USP3: variants seen among roughly 807,000 people sequenced by gnomAD.
USP3 encodes ubiquitin carboxyl-terminal hydrolase 3.
USP3 carries 20 observed loss-of-function variants against 72.3 expected under a neutral mutation model. That is an observed-to-expected ratio of 0.28 (90% confidence interval 0.19 to 0.40). The LOEUF is 0.40. Ranked by LOEUF, USP3 falls within the 10% of genes least tolerant of loss-of-function variation. The probability of loss-of-function intolerance (pLI) is 1.00; values close to 1 mark genes in which losing one functional copy is unlikely to be tolerated. For synonymous variants in USP3, 222 were observed against 225.3 expected, an observed-to-expected ratio of 0.99 and a Z score of 0.13; for missense variants, 479 against 633.9, an observed-to-expected ratio of 0.76 and a Z score of 2.62.
intron 11 of USP3, chr15:63,587,691 G>A (rs1469602925): frequency 1.3e-5 from 2 of 152,206 alleles, no homozygotes; most frequent in Non-Finnish European, 2.9e-5. Context: ...AGACAATAAT[G>A]TAAACAAGTG....
At chr15:63,587,275 G>A (rs1405110278) in intron 11 of USP3, among the ~76,000 whole-genome samples, 2 of 152,040 alleles carry the variant, frequency 1.3e-5, no homozygotes, top group Non-Finnish European at 2.9e-5. Context: ...AGAGACCCTG[G>A]CTCCTTGAGT....
chr15:63,546,291 T>A (rs1489442021), intron 3 of USP3, among the ~76,000 whole-genome samples: 1 of 152,176 alleles, frequency 6.6e-6, no homozygotes, highest in African/African-American at 2.4e-5. Context: ...CAGCTACATT[T>A]TGGGAAACAT....
intron 2 of USP3, among the ~76,000 whole-genome samples, chr15:63,533,507 T>A: frequency 6.6e-6 from 1 of 152,210 alleles, no homozygotes; most frequent in East Asian, 1.9e-4. Flanking sequence ...TCTTCTAGCT[T>A]AGAAAATCTA....
At chr15:63,522,596 A>C (rs2065934414) in intron 1 of USP3, among the ~76,000 whole-genome samples, 1 of 152,218 alleles carries the variant, frequency 6.6e-6, no homozygotes, top group African/African-American at 2.4e-5. Flanking sequence ...GTTAAAACCT[A>C]CTTGTCCATA....
chr15:63,533,858 A>G, intron 2 of USP3: 1 of 1,240,726 alleles, frequency 8.1e-7, no homozygotes, highest in Non-Finnish European at 1.0e-6. Context: ...AAAAAGAAGA[A>G]AAGTAGAAGC....
rs1346848357 is a variant in USP3 at position 63,553,098 on chromosome 15, A to G, written c.285-617A>G. ...AATATAGCTTAAATATTTTTCTTCA[A>G]AGCACTTATCAGTTGCCTGAATGAT... On this transcript the variant is annotated intron_variant, in intron 3 of 14. Transcript: ENST00000380324. The surrounding 1 kb of genome is among the most constrained non-coding windows in gnomAD (Gnocchi z 4.2). 2.0e-5 allele frequency among the ~76,000 whole-genome samples: 3 copies of G among 152,218 alleles called. No homozygotes were observed. The highest frequency in any genetic ancestry group is 7.2e-5 in the African/African-American group (3 of 41,454).
intron 5 of USP3, 140 bp from the exon 6 acceptor site, chr15:63,557,966 T>A (rs2066540703): frequency 5.6e-6 from 4 of 720,110 alleles, no homozygotes; most frequent in Non-Finnish European, 9.5e-6. Flanking sequence ...AGAGTTTGTT[T>A]GAAATATTCA....
At chr15:63,521,331 G>A (rs548301819) in intron 1 of USP3, among the ~76,000 whole-genome samples, 16 of 152,250 alleles carry the variant, frequency 1.1e-4, no homozygotes, top group Non-Finnish European at 1.9e-4. Flanking sequence ...TAATGCAGCA[G>A]TTAATACCCT....
chr15:63,546,405 A>G (rs1460615267), intron 3 of USP3, among the ~76,000 whole-genome samples: 1 of 152,076 alleles, frequency 6.6e-6, no homozygotes, highest in African/African-American at 2.4e-5. Context: ...TTGAAACACA[A>G]CCTATGAGTT....
chr15:63,513,110 A>G (rs1296254758), intron 1 of USP3, among the ~76,000 whole-genome samples: 1 of 152,084 alleles, frequency 6.6e-6, no homozygotes, highest in Non-Finnish European at 1.5e-5. Flanking sequence ...CTTGAGTAGA[A>G]GTTTTCTCCT....
intron 8 of USP3, among the ~76,000 whole-genome samples, chr15:63,564,226 G>T (rs2066652465): frequency 6.6e-6 from 1 of 151,934 alleles, no homozygotes; most frequent in Non-Finnish European, 1.5e-5. Context: ...TTTTTATCTG[G>T]TCTTCATTAA....
At chr15:63,551,407 TAATTA>T (rs2066434620) in intron 3 of USP3, 1 of 151,680 alleles carries the variant, frequency 6.6e-6, no homozygotes, top group Admixed American at 6.5e-5. Context: ...AATTATAAAA[TAATTA>T]AAATAAGTAT....
At chr15:63,505,350 G>C (rs971588338) in intron 1 of USP3, among the ~76,000 whole-genome samples, 1 of 152,224 alleles carries the variant, frequency 6.6e-6, no homozygotes, top group Non-Finnish European at 1.5e-5. Context: ...CCCGGCCCGG[G>C]TTTCCTTTCC....
chr15:63,538,371 A>G (rs1302965819), intron 3 of USP3, among the ~76,000 whole-genome samples: 1 of 152,134 alleles, frequency 6.6e-6, no homozygotes, highest in Non-Finnish European at 1.5e-5. Flanking sequence ...TGAATGTTAC[A>G]TGAAGGCATT....
At chr15:63,525,493 A>G (rs2111689) in intron 1 of USP3, among the ~76,000 whole-genome samples, 114,453 of 152,010 alleles carry the variant, frequency 0.75, 44,677 homozygotes, top group Non-Finnish European at 0.81. Context: ...CTGCCCTCGG[A>G]CTGCCTGGGC....
intron 1 of USP3, among the ~76,000 whole-genome samples, chr15:63,526,586 G>A (rs1218033985): frequency 6.6e-6 from 1 of 152,156 alleles, no homozygotes; most frequent in East Asian, 1.9e-4. Flanking sequence ...GTAGGCGGGT[G>A]GTTCTTGAGT....
chr15:63,550,488 G>A (rs1195440720), intron 3 of USP3, among the ~76,000 whole-genome samples: 1 of 152,210 alleles, frequency 6.6e-6, no homozygotes, highest in African/African-American at 2.4e-5. Context: ...AGTTACAGAT[G>A]TAGAGAATTC....
rs2066837664 is a variant in USP3, at chr15:63,574,908, A to G, written c.1096+505A>G. ...ACATATTTTTTGCTTGATGAGTACT[A>G]GCTACTGTAATCAAGGCAGAAGACC... On this transcript the variant is annotated intron_variant, in intron 11 of 14. Transcript: ENST00000380324. This position sits in a 1 kb window ranked among gnomAD's most constrained non-coding sequence, Gnocchi z 4.6. 1.3e-5 allele frequency among the ~76,000 whole-genome samples: 2 copies of G among 152,288 alleles called. No individual in the cohort carries two copies. The highest frequency in any genetic ancestry group is 6.5e-5 in the Admixed American group (1 of 15,296).
intron 11 of USP3, among the ~76,000 whole-genome samples, chr15:63,583,621 C>G (rs552014398): frequency 6.6e-6 from 1 of 152,216 alleles, no homozygotes; most frequent in Non-Finnish European, 1.5e-5. Flanking sequence ...AACTCTGTAC[C>G]CATTAAACAG....
Sources: allele counts gnomAD v4.1 joint callset (sites outside exome capture counted in the v4.1 genomes callset), GRCh38; gene constraint gnomAD v4.1.1; non-coding constraint Gnocchi (gnomAD v3.1); transcripts MANE v1.5; gene names NCBI Gene and HGNC (gene_info 2026-07-23, HGNC 2026-07-21).